The following EPHB1 variants were observed in gnomAD, a reference collection of about 807,000 sequenced individuals.
EPHB1 encodes EPH receptor B1.
In EPHB1, 30 loss-of-function variants were observed where a neutral mutation model predicts 94.4. That is an observed-to-expected ratio of 0.32 (90% CI 0.24 to 0.43). The LOEUF (loss-of-function observed/expected upper bound fraction) is 0.43. Ranked by LOEUF, EPHB1 falls within the 20% of genes least tolerant of loss-of-function variation. EPHB1 has a pLI of 1.00. For synonymous variants in EPHB1, 522 were observed against 489.1 expected (o/e 1.07, Z -0.89); for missense variants, 1,055 against 1,308.3 (o/e 0.81, Z 2.99).
chr3:135,175,581 A>G (rs1359722921), intron 9 of EPHB1, among the ~76,000 whole-genome samples: 1 of 152,222 alleles, frequency 6.6e-6, no homozygotes, highest in Admixed American at 6.5e-5. Context: ...TGAGGTACTA[A>G]TAAACAGCAG....
At chr3:134,858,957 C>T (rs925219060) in intron 1 of EPHB1, among the ~76,000 whole-genome samples, 5 of 152,224 alleles carry the variant, frequency 3.3e-5, no homozygotes, top group Non-Finnish European at 2.9e-5. Context: ...CACACCACCA[C>T]ATATGGGGAA....
At chr3:134,966,171 A>G (rs990024254) in intron 3 of EPHB1, among the ~76,000 whole-genome samples, 6 of 152,164 alleles carry the variant, frequency 3.9e-5, no homozygotes, top group Non-Finnish European at 8.8e-5. Context: ...TCTTTGAATG[A>G]GAATACAAAA....
At chr3:135,070,497 G>T (rs192880614) in intron 3 of EPHB1, among the ~76,000 whole-genome samples, 140 of 152,294 alleles carry the variant, frequency 9.2e-4, no homozygotes, top group Middle Eastern at 3.4e-3. Context: ...GGCCAGAACT[G>T]TGAAACTGAG....
At chr3:135,093,382 A>G (rs137878038) in intron 3 of EPHB1, among the ~76,000 whole-genome samples, 9 of 152,148 alleles carry the variant, frequency 5.9e-5, no homozygotes, top group African/African-American at 1.9e-4. Context: ...CACCACTCAC[A>G]CTACTCCTAC....
intron 3 of EPHB1, among the ~76,000 whole-genome samples, chr3:135,020,170 A>G (rs185775394): frequency 6.6e-6 from 1 of 152,282 alleles, no homozygotes; most frequent in East Asian, 1.9e-4. Context: ...AGTGTTCCTT[A>G]TATGTCAAGT....
chr3:134,999,810 A>G (rs968952562), intron 3 of EPHB1, among the ~76,000 whole-genome samples: 1 of 152,218 alleles, frequency 6.6e-6, no homozygotes, highest in Non-Finnish European at 1.5e-5. Context: ...ACTCTGTGGT[A>G]ACATTGACTG....
intron 4 of EPHB1, among the ~76,000 whole-genome samples, chr3:135,116,337 C>T (rs1939708561): frequency 6.6e-6 from 1 of 152,224 alleles, no homozygotes; most frequent in Admixed American, 6.5e-5. Flanking sequence ...GTCTCTACCC[C>T]ATCACAATGT....
intron 1 of EPHB1, among the ~76,000 whole-genome samples, chr3:134,897,611 C>G (rs1037678984): frequency 6.6e-6 from 1 of 152,210 alleles, no homozygotes; most frequent in Non-Finnish European, 1.5e-5. Flanking sequence ...CCTGACCACC[C>G]ACTTTGAAGT....
chr3:134,824,507 A>G (rs1351726152), intron 1 of EPHB1, among the ~76,000 whole-genome samples: 1 of 152,076 alleles, frequency 6.6e-6, no homozygotes, highest in Admixed American at 6.5e-5. Context: ...GGCCAGTTAT[A>G]TTTTTCAAAG....
chr3:135,110,154 A>G (rs1939383222), intron 4 of EPHB1, among the ~76,000 whole-genome samples: 1 of 152,234 alleles, frequency 6.6e-6, no homozygotes, highest in Non-Finnish European at 1.5e-5. Context: ...TGGTGTGAAA[A>G]TAATTACCTT....
At chr3:134,956,807 T>C (rs961092887) in intron 3 of EPHB1, among the ~76,000 whole-genome samples, 1 of 152,132 alleles carries the variant, frequency 6.6e-6, no homozygotes, top group African/African-American at 2.4e-5. Context: ...ATCACCCTTA[T>C]TAAGAAAATA....
At chr3:134,834,839 A>G (rs2036643516) in intron 1 of EPHB1, among the ~76,000 whole-genome samples, 1 of 152,216 alleles carries the variant, frequency 6.6e-6, no homozygotes, top group Non-Finnish European at 1.5e-5. Context: ...GGCATAATCA[A>G]AGCCTGCTGA....
intron 12 of EPHB1, among the ~76,000 whole-genome samples, chr3:135,215,918 C>T (rs948037196): frequency 6.6e-6 from 1 of 152,322 alleles, no homozygotes; most frequent in Middle Eastern, 3.4e-3. Context: ...TTTTATTTCA[C>T]AAACTTGCAT....
At chr3:135,246,227 G>A (rs1170636563) in intron 13 of EPHB1, among the ~76,000 whole-genome samples, 1 of 152,078 alleles carries the variant, frequency 6.6e-6, no homozygotes, top group Non-Finnish European at 1.5e-5. Flanking sequence ...CCTCCTGCTG[G>A]CCCTACCTAA....
chr3:135,169,494 C>T (rs1941743932), intron 9 of EPHB1, among the ~76,000 whole-genome samples: 1 of 152,248 alleles, frequency 6.6e-6, no homozygotes, highest in Non-Finnish European at 1.5e-5. Context: ...AACTCAGTCT[C>T]ATGCATTGAA....
intron 1 of EPHB1, among the ~76,000 whole-genome samples, chr3:134,863,718 G>A (rs1172617112): frequency 1.3e-5 from 2 of 152,188 alleles, no homozygotes; most frequent in Non-Finnish European, 2.9e-5. Context: ...AGGTGGTATA[G>A]CCTGCAAAGC....
At chr3:135,140,598 T>C (rs1940785850) in intron 5 of EPHB1, among the ~76,000 whole-genome samples, 1 of 152,210 alleles carries the variant, frequency 6.6e-6, no homozygotes, top group Non-Finnish European at 1.5e-5. Flanking sequence ...AGTTACCCCT[T>C]ACATTCTCCC....
intron 12 of EPHB1, among the ~76,000 whole-genome samples, chr3:135,218,229 A>G (rs1395425662): frequency 1.3e-5 from 2 of 152,122 alleles, no homozygotes; most frequent in Admixed American, 1.3e-4. Context: ...CTGCTCTAAC[A>G]TTAATTAAGC....
At chr3:134,821,971 G>C (rs2036390286) in intron 1 of EPHB1, among the ~76,000 whole-genome samples, 1 of 152,206 alleles carries the variant, frequency 6.6e-6, no homozygotes. Flanking sequence ...GTTTCATCCA[G>C]GAGAACTTTG....
Sources: allele counts gnomAD v4.1 joint callset (sites outside exome capture counted in the v4.1 genomes callset), GRCh38; gene constraint gnomAD v4.1.1; transcripts MANE v1.5; gene names NCBI Gene and HGNC (gene_info 2026-07-23, HGNC 2026-07-21).